Variants in PCDH19 observed in about 807,000 individuals in gnomAD.
The protein encoded by PCDH19 is protocadherin 19.
Under a neutral mutation model 46.2 loss-of-function variants are expected in PCDH19, and 6 were observed. The ratio of observed to expected loss-of-function variants is 0.13; its 90% CI spans 0.07 to 0.26. The LOEUF (loss-of-function observed/expected upper bound fraction) is 0.26, where lower values mean the gene tolerates loss of function less well. Ranked by LOEUF, PCDH19 falls within the 10% of genes least tolerant of loss-of-function variation. The pLI, the probability that PCDH19 is intolerant of heterozygous loss-of-function variation, is 1.00. For missense variants in PCDH19, 740 were observed against 972.3 expected (o/e 0.76, Z 3.18); for synonymous variants, 481 against 415.7 (o/e 1.16, Z -1.91).
chrX:100,345,974 T>C (rs1333725151), intron 4 of PCDH19, among the ~76,000 whole-genome samples: 1 of 112,385 alleles, frequency 8.9e-6, no homozygotes, highest in East Asian at 2.8e-4. Flanking sequence ...ATGCCAGGCA[T>C]AAAAATGCTG....
chrX:100,319,255 G>A (rs1925403208), intron 5 of PCDH19, among the ~76,000 whole-genome samples: 1 of 111,164 alleles, frequency 9.0e-6, no homozygotes, highest in Non-Finnish European at 1.9e-5. Context: ...TAAGTGTAAG[G>A]GACACATATG....
At chrX:100,325,072 C>T (rs1351422162) in intron 5 of PCDH19, among the ~76,000 whole-genome samples, 1 of 109,280 alleles carries the variant, frequency 9.2e-6, no homozygotes, top group Non-Finnish European at 1.9e-5. Context: ...AACCAAAAAC[C>T]GGCAAAACAC....
At chrX:100,353,722 T>C (rs1472177200) in intron 3 of PCDH19, among the ~76,000 whole-genome samples, 1 of 111,868 alleles carries the variant, frequency 8.9e-6, no homozygotes, top group Non-Finnish European at 1.9e-5. Flanking sequence ...CATAGAAGCT[T>C]GTAACCTTCC....
intron 3 of PCDH19, among the ~76,000 whole-genome samples, chrX:100,386,160 A>C (rs1050207273): frequency 9.0e-6 from 1 of 111,466 alleles, no homozygotes; most frequent in Non-Finnish European, 1.9e-5. Context: ...TGGTAAATAA[A>C]AACATTTCAG....
intron 5 of PCDH19, among the ~76,000 whole-genome samples, chrX:100,315,186 G>T (rs1459182971): frequency 8.9e-6 from 1 of 112,199 alleles, no homozygotes; most frequent in Non-Finnish European, 1.9e-5. Context: ...AGTAGGGTAT[G>T]TTATCAGCAC....
intron 5 of PCDH19, among the ~76,000 whole-genome samples, chrX:100,315,279 T>TA (rs1925264491): frequency 8.9e-6 from 1 of 112,429 alleles, no homozygotes; most frequent in African/African-American, 3.2e-5. Flanking sequence ...CACATTTCCC[T>TA]ATTAGGAGAA....
chrX:100,379,972 C>T (rs1254065240), intron 3 of PCDH19, among the ~76,000 whole-genome samples: 4 of 111,981 alleles, frequency 3.6e-5, no homozygotes, highest in Non-Finnish European at 7.5e-5. Context: ...GAGCCACAAA[C>T]CATCCATCTG....
chrX:100,343,827 C>T (rs1926322081), intron 4 of PCDH19, among the ~76,000 whole-genome samples: 1 of 111,792 alleles, frequency 8.9e-6, no homozygotes. Flanking sequence ...GAGAAAAGAG[C>T]CCTGTGGAAA....
intron 3 of PCDH19, among the ~76,000 whole-genome samples, chrX:100,394,689 A>C (rs1927967254): frequency 8.9e-6 from 1 of 111,767 alleles, no homozygotes; most frequent in Non-Finnish European, 1.9e-5. Flanking sequence ...ATACTTGTTA[A>C]ATTTCAATGA....
intron 3 of PCDH19, among the ~76,000 whole-genome samples, chrX:100,369,685 A>G (rs767553333): frequency 3.0e-4 from 34 of 112,147 alleles, no homozygotes; most frequent in Non-Finnish European, 4.7e-4. Flanking sequence ...TGCCTCTCTC[A>G]TAATTAAGCA....
At chrX:100,308,537 G>C (rs182590301) in intron 5 of PCDH19, among the ~76,000 whole-genome samples, 3 of 111,248 alleles carry the variant, frequency 2.7e-5, no homozygotes, top group African/African-American at 3.3e-5. Flanking sequence ...AAATAGATGG[G>C]ACTTAATTAA....
At chrX:100,350,162 G>T (rs1172693472) in intron 4 of PCDH19, among the ~76,000 whole-genome samples, 6 of 112,162 alleles carry the variant, frequency 5.3e-5, no homozygotes, top group Non-Finnish European at 1.1e-4. Flanking sequence ...CTCATGGGAA[G>T]TTCTACATGA....
Position 100,313,899 on chromosome X carries a change from A to T in PCDH19, c.2849-17024T>A, listed in dbSNP as rs12013716. On this transcript the variant is annotated intron_variant, in intron 5 of 5. Coordinates refer to ENST00000373034, the MANE Select transcript of PCDH19 (RefSeq NM_001184880.2). ...CACACACACACACACACACACACAC[A>T]CACACACAAAGTCTATACAGAATTG... 6.6e-3 allele frequency among the ~76,000 whole-genome samples: 458 copies of T among 69,042 alleles called. 4 individuals carry two copies. Among genetic ancestry groups the T allele is most frequent in the African/African-American group, 0.022 (345 of 15,558 alleles). 60.0% of individuals were successfully genotyped at this position (69,042 alleles called of 115,157 possible).
intron 1 of PCDH19, among the ~76,000 whole-genome samples, chrX:100,405,441 C>A (rs1220661075): frequency 2.7e-5 from 3 of 112,023 alleles, no homozygotes; most frequent in Non-Finnish European, 5.6e-5. Flanking sequence ...TGTGCTCTAT[C>A]CAAATGTAAG....
intron 3 of PCDH19, among the ~76,000 whole-genome samples, chrX:100,351,781 T>C (rs1335609857): frequency 8.9e-6 from 1 of 112,595 alleles, no homozygotes; most frequent in Non-Finnish European, 1.9e-5. Context: ...CTCAGACCTC[T>C]ACCTGTCAGA....
intron 3 of PCDH19, among the ~76,000 whole-genome samples, chrX:100,366,444 C>T (rs188788607): frequency 3.6e-5 from 4 of 111,463 alleles, no homozygotes; most frequent in African/African-American, 1.3e-4. Context: ...CAACTAACAC[C>T]TAAGTAGAAA....
intron 3 of PCDH19, among the ~76,000 whole-genome samples, chrX:100,382,197 A>G (rs933958853): frequency 3.5e-4 from 39 of 111,303 alleles, no homozygotes; most frequent in African/African-American, 1.1e-3. Context: ...GTTAAATATT[A>G]TAACAGATAA....
intron 3 of PCDH19, among the ~76,000 whole-genome samples, chrX:100,367,734 C>T (rs890411963): frequency 9.0e-6 from 1 of 111,146 alleles, no homozygotes; most frequent in African/African-American, 3.3e-5. Flanking sequence ...GTCTTAGGTC[C>T]CCAACATATA....
chrX:100,294,693 C>T lies in PCDH19; in HGVS notation c.*1584G>A, dbSNP rs1211417425. On this transcript the variant is annotated 3_prime_UTR_variant, in exon 6 of 6. Transcript: ENST00000373034. Reference sequence around the variant, plus strand: ...AACTTGTTTCTCTAGAAACAACTCTCTTAAGACCAAGGCAGAACAAAGGTG... The same window carrying T: ...AACTTGTTTCTCTAGAAACAACTCTTTTAAGACCAAGGCAGAACAAAGGTG... 8.9e-6 allele frequency: 1 copy of T among 111,733 alleles called. No individual in the cohort carries two copies. Among genetic ancestry groups the T allele is most frequent in the Non-Finnish European group, 1.9e-5 (1 of 53,095 alleles). 9.2% of individuals were successfully genotyped at this position (111,733 alleles called of 1,213,427 possible). A position where few individuals can be genotyped will look rare whatever the true frequency, so the allele number is the denominator to read the frequency against.
Sources: allele counts gnomAD v4.1 joint callset (sites outside exome capture counted in the v4.1 genomes callset), GRCh38; gene constraint gnomAD v4.1.1; transcripts MANE v1.5; gene names NCBI Gene and HGNC (gene_info 2026-07-23, HGNC 2026-07-21).